The following KALRN variants were observed in gnomAD, a reference collection of about 807,000 sequenced individuals.
The protein encoded by KALRN is kalirin.
In KALRN, 70 loss-of-function variants were observed where a neutral mutation model predicts 353.7. That is an observed-to-expected ratio of 0.20 (90% CI 0.16 to 0.24). KALRN has a LOEUF of 0.24. Among genes scored for constraint, KALRN ranks in the 10% least tolerant of loss-of-function variants. KALRN has a pLI of 1.00. For missense variants in KALRN, 2,791 were observed against 3,756.7 expected (o/e 0.74, Z 6.72); for synonymous variants, 1,391 against 1,434.8 (o/e 0.97, Z 0.69).
Position 124,146,441 on chromosome 3 carries a change from A to T in KALRN, c.74-81549A>T, listed in dbSNP as rs76399450. 4.0e-3 allele frequency among the ~76,000 whole-genome samples: 616 copies of T among 152,330 alleles called. 2 individuals are homozygous for T. The highest frequency in any genetic ancestry group is 6.8e-3 in the Middle Eastern group (2 of 294). ...AAAGTACTAGTCTATAACAGATTAG[A>T]ATAAAAGCAGAAAAAAAAATCAAAC... On this transcript the variant is annotated intron_variant, in intron 1 of 59. Transcript: ENST00000682506.
At chr3:124,089,741 T>C (rs1261389250) in intron 1 of KALRN, among the ~76,000 whole-genome samples, 9 of 151,168 alleles carry the variant, frequency 6.0e-5, no homozygotes, top group Admixed American at 5.3e-4. Context: ...GTCAGGGCAG[T>C]GAGGGAGGAT....
intron 10 of KALRN, among the ~76,000 whole-genome samples, chr3:124,366,971 C>T (rs1422456426): frequency 7.1e-6 from 1 of 141,574 alleles, no homozygotes; most frequent in Non-Finnish European, 1.5e-5. Flanking sequence ...GCAGAGGCGC[C>T]CCTCACCTCC....
intron 1 of KALRN, among the ~76,000 whole-genome samples, chr3:124,121,435 A>G (rs147797742): frequency 1.3e-5 from 2 of 152,370 alleles, no homozygotes; most frequent in East Asian, 3.9e-4. Context: ...AAAACATGAC[A>G]GAAATTGGGT....
At chr3:124,644,333 AT>A (rs35354153) in intron 37 of KALRN, among the ~76,000 whole-genome samples, 51 of 151,418 alleles carry the variant, frequency 3.4e-4, no homozygotes, top group African/African-American at 1.2e-3. Context: ...TTTTTTTAAA[AT>A]TTTTTTTTAT....
chr3:124,477,393 T>G, intron 27 of KALRN, 59 bp downstream of exon 27: 4 of 1,183,402 alleles, frequency 3.4e-6, no homozygotes, highest in Non-Finnish European at 5.0e-6. Flanking sequence ...CTTCTCTGCT[T>G]TGGCATAATG....
At chr3:124,414,061 A>G (rs2150275799) in intron 14 of KALRN, among the ~76,000 whole-genome samples, 2 of 152,178 alleles carry the variant, frequency 1.3e-5, no homozygotes, top group South Asian at 4.2e-4. Context: ...AGCTGAGACC[A>G]TGCGACTGCA....
intron 1 of KALRN, among the ~76,000 whole-genome samples, chr3:124,070,284 T>A (rs1160711843): frequency 6.6e-6 from 1 of 152,166 alleles, no homozygotes; most frequent in Admixed American, 6.5e-5. Flanking sequence ...CTGCTCTGAG[T>A]ACCAAGCTCA....
At chr3:124,138,232 C>A (rs1355313416) in intron 1 of KALRN, among the ~76,000 whole-genome samples, 1 of 152,206 alleles carries the variant, frequency 6.6e-6, no homozygotes, top group Non-Finnish European at 1.5e-5. Flanking sequence ...GCAAAATCCT[C>A]TCTCCCTGCT....
At chr3:124,501,330 A>G (rs1233132764) in intron 33 of KALRN, among the ~76,000 whole-genome samples, 2 of 152,214 alleles carry the variant, frequency 1.3e-5, no homozygotes, top group Non-Finnish European at 2.9e-5. Flanking sequence ...TGGGCTGATA[A>G]TGGTGATATG....
chr3:124,249,212 A>G (rs1470083331), intron 3 of KALRN, among the ~76,000 whole-genome samples: 1 of 152,200 alleles, frequency 6.6e-6, no homozygotes, highest in Non-Finnish European at 1.5e-5. Flanking sequence ...TTTGCAGATT[A>G]ATGGGGTGGG....
At chr3:124,276,767 A>G (rs944955179) in intron 5 of KALRN, among the ~76,000 whole-genome samples, 3 of 152,306 alleles carry the variant, frequency 2.0e-5, no homozygotes, top group Admixed American at 6.5e-5. Context: ...CATCCAGTCC[A>G]TGGTTCATCA....
intron 10 of KALRN, among the ~76,000 whole-genome samples, chr3:124,352,740 C>T (rs2082964632): frequency 6.6e-6 from 1 of 151,758 alleles, no homozygotes; most frequent in Admixed American, 6.6e-5. Flanking sequence ...TGGAAACCAT[C>T]ATTCTCAGCA....
intron 39 of KALRN, among the ~76,000 whole-genome samples, chr3:124,656,189 T>A (rs890084980): frequency 3.3e-5 from 5 of 151,916 alleles, no homozygotes; most frequent in African/African-American, 1.2e-4. Flanking sequence ...TAAACAAATC[T>A]AGCTCTGTAG....
At chr3:124,698,275 C>T (rs936344031) in intron 55 of KALRN, among the ~76,000 whole-genome samples, 1 of 152,228 alleles carries the variant, frequency 6.6e-6, no homozygotes, top group African/African-American at 2.4e-5. Flanking sequence ...CGCGCCCGGC[C>T]TCCTGCTCTT....
intron 8 of KALRN, among the ~76,000 whole-genome samples, chr3:124,332,230 C>A (rs1250248707): frequency 6.6e-6 from 1 of 152,106 alleles, no homozygotes; most frequent in Non-Finnish European, 1.5e-5. Context: ...GAAAGCATTT[C>A]TGTGGCCCCA....
intron 3 of KALRN, among the ~76,000 whole-genome samples, chr3:124,245,816 C>T (rs1260984265): frequency 6.6e-6 from 1 of 151,990 alleles, no homozygotes; most frequent in Non-Finnish European, 1.5e-5. Flanking sequence ...TGTATATCTT[C>T]TTTTGAGAAA....
intron 1 of KALRN, among the ~76,000 whole-genome samples, chr3:124,090,090 G>T (rs1056941970): frequency 7.2e-5 from 11 of 152,174 alleles, no homozygotes; most frequent in African/African-American, 2.7e-4. Context: ...GAGGAGAGGG[G>T]ACTGGCTCTT....
rs906562867 is a variant in KALRN, at chr3:124,424,260, A to AT, written c.2709+1291dup. Reference sequence around the variant, plus strand: ...GCAAAAAACCATCTTTCTTTTAAACATTTTTTTTTCTTGTCTATAGCAGCT... The same window carrying AT: ...GCAAAAAACCATCTTTCTTTTAAACATTTTTTTTTTCTTGTCTATAGCAGCT... On this transcript the variant is annotated intron_variant, in intron 15 of 59. Coordinates refer to ENST00000682506, the MANE Select transcript of KALRN (RefSeq NM_001388419.1). Among the ~76,000 whole-genome samples the AT allele has an allele frequency of 3.1e-4, 47 of 150,714 alleles. No individual in the cohort carries two copies. The East Asian group carries it at 4.7e-3, about 15-fold the overall frequency.
At chr3:124,532,431 A>G (rs140061116) in intron 33 of KALRN, among the ~76,000 whole-genome samples, 10 of 152,328 alleles carry the variant, frequency 6.6e-5, no homozygotes, top group Admixed American at 2.0e-4. Context: ...GAATCAGGAA[A>G]TTTAGTTTTG....
Sources: allele counts gnomAD v4.1 joint callset (sites outside exome capture counted in the v4.1 genomes callset), GRCh38; gene constraint gnomAD v4.1.1; transcripts MANE v1.5; gene names NCBI Gene and HGNC (gene_info 2026-07-23, HGNC 2026-07-21).